Variants in TNR observed in about 807,000 individuals in gnomAD.
The protein encoded by TNR is tenascin-R.
A neutral mutation model predicts 150.4 loss-of-function variants in TNR; 45 were observed. The observed-to-expected ratio is 0.30, with a 90% CI of 0.24 to 0.38. The LOEUF (loss-of-function observed/expected upper bound fraction) is 0.38, where lower values mean the gene tolerates loss of function less well. Ranked by LOEUF, TNR falls within the 10% of genes least tolerant of loss-of-function variation. The pLI is 1.00. For missense variants in TNR, 1,544 were observed against 1,759.1 expected (o/e 0.88, Z 2.19); for synonymous variants, 687 against 678.4 (o/e 1.01, Z -0.20).
At chr1:175,356,216 C>T (rs1651318589) in intron 16 of TNR, 103 bp downstream of exon 16, 2 of 1,473,310 alleles carry the variant, frequency 1.4e-6, no homozygotes, top group Non-Finnish European at 1.9e-6. Context: ...TCATAGCTGC[C>T]CTGTCCAAAG....
rs539041011 is a variant in TNR, at chr1:175,666,621, C to T, written c.-165+76605G>A. Among the ~76,000 whole-genome samples the T allele has an allele frequency of 7.2e-5, 11 of 152,360 alleles. No individual in the cohort carries two copies. The East Asian group carries it at 1.4e-3, about 19-fold the overall frequency. On this transcript the variant is annotated intron_variant, in intron 1 of 22. Transcript: ENST00000367674. ...AGCCAGCTTACTCCCACTGGCAGGA[C>T]GAACGTCGGACTGGCTGGACCCGGG...
intron 2 of TNR, among the ~76,000 whole-genome samples, chr1:175,417,075 G>GAAAGAAAGAAATAAATAAATAAAT (rs754333098): frequency 2.2e-5 from 3 of 138,278 alleles, no homozygotes; most frequent in East Asian, 4.7e-4. Flanking sequence ...AAGAAAGAAA[G>GAAAGAAAGAAATAAATAAATAAAT]AAATCTAAGA....
At chr1:175,452,752 C>A (rs1656384035) in intron 2 of TNR, among the ~76,000 whole-genome samples, 1 of 152,204 alleles carries the variant, frequency 6.6e-6, no homozygotes, top group Admixed American at 6.5e-5. Context: ...ACCCTGCACA[C>A]TACTGTTTGT....
intron 2 of TNR, among the ~76,000 whole-genome samples, chr1:175,508,115 T>G (rs1659030938): frequency 1.3e-5 from 2 of 150,598 alleles, no homozygotes; most frequent in African/African-American, 2.5e-5. Flanking sequence ...TGTCGCGGGG[T>G]GGGGGCAAGG....
At chr1:175,637,192 G>T (rs942256298) in intron 1 of TNR, among the ~76,000 whole-genome samples, 15 of 152,258 alleles carry the variant, frequency 9.9e-5, no homozygotes, top group Admixed American at 5.9e-4. Context: ...GTTTATTTTT[G>T]TTGCTCTCCA....
intron 1 of TNR, among the ~76,000 whole-genome samples, chr1:175,591,265 T>C (rs1352175043): frequency 6.6e-6 from 1 of 152,190 alleles, no homozygotes; most frequent in African/African-American, 2.4e-5. Flanking sequence ...GCCAGGGCTC[T>C]GTGTCCCTGG....
chr1:175,452,195 A>G (rs1161848696), intron 2 of TNR, among the ~76,000 whole-genome samples: 1 of 152,210 alleles, frequency 6.6e-6, no homozygotes, highest in Non-Finnish European at 1.5e-5. Flanking sequence ...TGGATGGTCA[A>G]ATCAGATATT....
intron 1 of TNR, among the ~76,000 whole-genome samples, chr1:175,659,470 G>T (rs1286049854): frequency 6.6e-6 from 1 of 152,184 alleles, no homozygotes; most frequent in East Asian, 1.9e-4. Flanking sequence ...CAGGCATGTT[G>T]ACCTATGGGC....
chr1:175,569,268 G>T (rs778372758), intron 1 of TNR, among the ~76,000 whole-genome samples: 3 of 152,166 alleles, frequency 2.0e-5, no homozygotes, highest in Non-Finnish European at 2.9e-5. Flanking sequence ...CTTCAAGAGC[G>T]CTTCAAGAGT....
chr1:175,664,631 T>G (rs1052424369), intron 1 of TNR, among the ~76,000 whole-genome samples: 5 of 152,220 alleles, frequency 3.3e-5, no homozygotes, highest in African/African-American at 1.2e-4. Context: ...TCCCTAGAAC[T>G]GTGTGAACTT....
intron 2 of TNR, among the ~76,000 whole-genome samples, chr1:175,481,247 T>A (rs1044685165): frequency 6.6e-6 from 1 of 152,168 alleles, no homozygotes; most frequent in Non-Finnish European, 1.5e-5. Context: ...AGTGAACAAA[T>A]GAATGAATGA....
chr1:175,602,987 A>G (rs1663297574), intron 1 of TNR, among the ~76,000 whole-genome samples: 1 of 152,198 alleles, frequency 6.6e-6, no homozygotes, highest in Non-Finnish European at 1.5e-5. Context: ...TCCTAGAATA[A>G]AGGAGGAAAA....
intron 1 of TNR, among the ~76,000 whole-genome samples, chr1:175,684,489 A>G (rs959659603): frequency 6.6e-6 from 1 of 152,208 alleles, no homozygotes; most frequent in Non-Finnish European, 1.5e-5. Flanking sequence ...AGCTCGCTGT[A>G]ATTGACATGT....
chr1:175,479,471 T>G (rs79319437), intron 2 of TNR, among the ~76,000 whole-genome samples: 2,084 of 152,272 alleles, frequency 0.014, 49 homozygotes, highest in African/African-American at 0.048. Context: ...TGGGGTAGAC[T>G]TCACCTTGTT....
At chr1:175,451,444 C>G (rs924141063) in intron 2 of TNR, among the ~76,000 whole-genome samples, 1 of 143,748 alleles carries the variant, frequency 7.0e-6, no homozygotes, top group Non-Finnish European at 1.5e-5. Context: ...TTGTAAGGCA[C>G]CTGGTTAGTA....
At chr1:175,560,617 G>T (rs1027277967) in intron 1 of TNR, among the ~76,000 whole-genome samples, 1 of 152,184 alleles carries the variant, frequency 6.6e-6, no homozygotes, top group Non-Finnish European at 1.5e-5. Flanking sequence ...CATCCAAGAG[G>T]CCATAAACCA....
intron 1 of TNR, among the ~76,000 whole-genome samples, chr1:175,596,481 C>T (rs181665936): frequency 1.7e-4 from 26 of 152,288 alleles, no homozygotes; most frequent in Non-Finnish European, 3.4e-4. Flanking sequence ...TTCTGCTACT[C>T]AAAGTCTGAT....
At chr1:175,545,239 T>C (rs1660641011) in intron 1 of TNR, among the ~76,000 whole-genome samples, 1 of 152,110 alleles carries the variant, frequency 6.6e-6, no homozygotes, top group South Asian at 2.1e-4. Context: ...AGAGAGGTAA[T>C]TAGGTGTCTC....
intron 2 of TNR, among the ~76,000 whole-genome samples, chr1:175,413,999 G>GGT (rs1394737178): frequency 6.6e-6 from 1 of 152,116 alleles, no homozygotes; most frequent in African/African-American, 2.4e-5. Flanking sequence ...CATGCATGGT[G>GGT]GTGTGTGTCT....
Sources: allele counts gnomAD v4.1 joint callset (sites outside exome capture counted in the v4.1 genomes callset), GRCh38; gene constraint gnomAD v4.1.1; transcripts MANE v1.5; gene names NCBI Gene and HGNC (gene_info 2026-07-23, HGNC 2026-07-21).